Variants in DDI2 observed in about 807,000 individuals in gnomAD.
DDI2 encodes protein DDI1 homolog 2.
A neutral mutation model predicts 48.1 loss-of-function variants in DDI2; 5 were observed. The ratio of observed to expected loss-of-function variants is 0.10; its 90% CI spans 0.05 to 0.22. The LOEUF (loss-of-function observed/expected upper bound fraction) is 0.22. Ranked by LOEUF, DDI2 falls within the 10% of genes least tolerant of loss-of-function variation. The pLI is 1.00. For synonymous variants in DDI2, 205 were observed against 183.6 expected, an observed-to-expected ratio of 1.12 and a Z score of -0.94; for missense variants, 285 against 506.2, an observed-to-expected ratio of 0.56 and a Z score of 4.19.
chr1:15,661,574 C>T lies in DDI2; in HGVS notation c.*1784C>T. On this transcript the variant is annotated 3_prime_UTR_variant, in exon 10 of 10. Transcript: ENST00000480945. Reference sequence around the variant, plus strand: ...TCATCAAGTCCTGCCATTCTTCCACCATTGATTTTTCCTGCCACAGATATT... The same window carrying T: ...TCATCAAGTCCTGCCATTCTTCCACTATTGATTTTTCCTGCCACAGATATT... 2 of 1,614,198 alleles carry T rather than the reference C, an allele frequency of 1.2e-6. No homozygotes were observed. Among genetic ancestry groups the T allele is most frequent in the Non-Finnish European group, 1.7e-6 (2 of 1,180,024 alleles).
intron 3 of DDI2, among the ~76,000 whole-genome samples, chr1:15,633,154 C>T (rs1379393571): frequency 6.6e-6 from 1 of 151,992 alleles, no homozygotes; most frequent in South Asian, 2.1e-4. Context: ...GTCTCGAACT[C>T]CTAGGCTCAA....
In DDI2 at chr1:15,660,093, A is replaced by G. The variant is rs781147561; in HGVS notation, c.*303A>G. ...AAAAGAAAGAACATCTTTCTTTACA[A>G]GATCTTTCTGATCATGCTTCCTCAG... On this transcript the variant is annotated 3_prime_UTR_variant, in exon 10 of 10. Transcript: ENST00000480945. 2 of 1,614,096 alleles carry G rather than the reference A, an allele frequency of 1.2e-6. No homozygotes were observed. The highest frequency in any genetic ancestry group is 8.5e-7 in the Non-Finnish European group (1 of 1,180,006).
chr1:15,649,933 T>C, intron 7 of DDI2, 110 bp downstream of exon 7: 1 of 1,044,556 alleles, frequency 9.6e-7, no homozygotes, highest in Non-Finnish European at 1.3e-6. Context: ...TAACGACTTT[T>C]CAAACCTGGA....
At chr1:15,623,045 A>G (rs1639694893) in intron 1 of DDI2, among the ~76,000 whole-genome samples, 1 of 152,224 alleles carries the variant, frequency 6.6e-6, no homozygotes, top group Non-Finnish European at 1.5e-5. Context: ...TTGTTAGATC[A>G]TGCTGCCTTC....
chr1:15,651,985 T>A (rs1200107382), intron 8 of DDI2, 90 bp downstream of exon 8: 2 of 1,334,634 alleles, frequency 1.5e-6, no homozygotes, highest in African/African-American at 3.0e-5. Flanking sequence ...ACCTTTCCAG[T>A]TTTTAATTAG....
chr1:15,661,387 A>C lies in DDI2; in HGVS notation c.*1597A>C. On this transcript the variant is annotated 3_prime_UTR_variant, in exon 10 of 10. Coordinates refer to ENST00000480945, the MANE Select transcript of DDI2 (RefSeq NM_032341.5). ...AGGTGAGGAGGATGCACTCAATCAG[A>C]CTTCTGAGCAAACTAAGTCTTTGTC... is the stretch of plus-strand genomic sequence containing the variant. The C allele has an allele frequency of 4.3e-6, 7 of 1,614,212 alleles. No individual in the cohort carries two copies. The highest frequency in any genetic ancestry group is 5.9e-6 in the Non-Finnish European group (7 of 1,180,044).
At chr1:15,649,658 C>T (rs1640148381) in intron 6 of DDI2, 62 bp from the exon 7 acceptor site, 5 of 1,533,078 alleles carry the variant, frequency 3.3e-6, no homozygotes, top group Admixed American at 3.8e-5. Context: ...GCAACAAGAG[C>T]GAAACTCCGT....
rs777034689 is a variant in DDI2 at position 15,661,233 on chromosome 1, C to A, written c.*1443C>A. 1.2e-6 allele frequency: 2 copies of A among 1,614,100 alleles called. No individual in the cohort carries two copies. Among genetic ancestry groups the A allele is most frequent in the South Asian group, 1.1e-5 (1 of 91,066 alleles). On this transcript the variant is annotated 3_prime_UTR_variant, in exon 10 of 10. Coordinates refer to ENST00000480945, the MANE Select transcript of DDI2 (RefSeq NM_032341.5). The stretch of plus-strand genomic sequence containing the variant: ...GGAGTCTAGGTGATGGCCTGTCAAC[C>A]GATAAGGAAGGTGTCCCCAAATCTA...
At position 15,626,380 on chromosome 1, in the gene DDI2, A is replaced by T. The variant is rs373633238; in HGVS notation, c.139-289A>T. 6.6e-5 allele frequency among the ~76,000 whole-genome samples: 10 copies of T among 152,354 alleles called. No homozygotes were observed. In the East Asian group the frequency reaches 1.9e-3, roughly 29 times the overall value. ...GGAAAAAAATGAGTGGAAAAAGAAC[A>T]TTCCTCAGGTAGAGAAAACAAGAGA... On this transcript the variant is annotated intron_variant, in intron 1 of 9. Coordinates refer to ENST00000480945, the MANE Select transcript of DDI2 (RefSeq NM_032341.5).
At chr1:15,621,627 C>T (rs1489457006) in intron 1 of DDI2, among the ~76,000 whole-genome samples, 1 of 152,210 alleles carries the variant, frequency 6.6e-6, no homozygotes, top group African/African-American at 2.4e-5. Context: ...CTCGGATGAT[C>T]TGCCTGCCTT....
intron 2 of DDI2, among the ~76,000 whole-genome samples, chr1:15,628,529 G>A (rs1426670191): frequency 6.6e-6 from 1 of 152,162 alleles, no homozygotes; most frequent in Admixed American, 6.5e-5. Flanking sequence ...CTGTGGAATT[G>A]CTTAGTGTAC....
In DDI2 at chr1:15,660,157, A is replaced by G; in HGVS notation, c.*367A>G. 3 of 1,614,246 alleles carry G rather than the reference A, an allele frequency of 1.9e-6. No individual in the cohort carries two copies. The highest frequency in any genetic ancestry group is 2.5e-6 in the Non-Finnish European group (3 of 1,180,048). On this transcript the variant is annotated 3_prime_UTR_variant, in exon 10 of 10. Coordinates refer to ENST00000480945, the MANE Select transcript of DDI2 (RefSeq NM_032341.5). ...AACAGACCAGAGTCCAGCTATGCCT[A>G]TGCAGAATTCATCCGAAGAAATAAC...
In DDI2 at chr1:15,651,806, C is replaced by A; in HGVS notation, c.1094C>A (p.Ala365Glu). 2.5e-6 allele frequency: 4 copies of A among 1,614,012 alleles called. No individual in the cohort carries two copies. The highest frequency in any genetic ancestry group is 3.4e-6 in the Non-Finnish European group (4 of 1,179,958). Reference sequence around the variant, plus strand: ...GAGCTACCAGAGTGTGCCCGGTTGGCATATGGGGCTGGAAGAGAGGATGTA... The same window carrying A: ...GAGCTACCAGAGTGTGCCCGGTTGGAATATGGGGCTGGAAGAGAGGATGTA... ...EGELPECARL[A>E]YGAGREDVRP... The change falls in exon 8 of 10, where the codon GCA (alanine) becomes GAA (glutamate). Residue 365 changes from alanine (A) to glutamate (E), a missense_variant. By Grantham distance (107) the Ala-to-Glu change is moderately radical. Around this residue, in one of 3 missense-constraint regions of DDI2, gnomAD observed 66 missense variants for 87.3 expected, o/e 0.76. Coordinates refer to ENST00000480945, the MANE Select transcript of DDI2 (RefSeq NM_032341.5).
rs1640324521 is a variant in DDI2, at chr1:15,659,419, C to T, written c.*47-418C>T. 1.3e-5 allele frequency among the ~76,000 whole-genome samples: 2 copies of T among 152,136 alleles called. 1 individual carries two copies. The highest frequency in any genetic ancestry group is 4.8e-5 in the African/African-American group (2 of 41,416). ...CCTGGATTTACTCTCAAGTATGGTA[C>T]CCCAGGGTCTGCATACTTCACAAGC... On this transcript the variant is annotated intron_variant, in intron 9 of 9. Transcript: ENST00000480945.
chr1:15,621,257 C>T (rs550855849), intron 1 of DDI2, among the ~76,000 whole-genome samples: 1 of 152,168 alleles, frequency 6.6e-6, no homozygotes, highest in African/African-American at 2.4e-5. Flanking sequence ...GATAATTTAC[C>T]TCTGTAGGTG....
intron 7 of DDI2, among the ~76,000 whole-genome samples, 162 bp from the exon 8 acceptor site, chr1:15,651,544 C>A (rs1640183954): frequency 6.6e-6 from 1 of 152,152 alleles, no homozygotes; most frequent in Admixed American, 6.5e-5. Flanking sequence ...GTCTGGAACT[C>A]CTGACCTCAG....
chr1:15,661,861 T>G lies in DDI2; in HGVS notation c.*2071T>G. ...AAGCAGAATGTTGAGCCAGATTTTTTTTAAAGATTTTTTTCGGCCAAAGTA... is the reference window on the plus strand; with the variant it reads ...AAGCAGAATGTTGAGCCAGATTTTTGTTAAAGATTTTTTTCGGCCAAAGTA... On this transcript the variant is annotated 3_prime_UTR_variant, in exon 10 of 10. Transcript: ENST00000480945. 8.2e-7 allele frequency: 1 copy of G among 1,225,626 alleles called. No homozygotes were observed. Among genetic ancestry groups the G allele is most frequent in the Middle Eastern group, 3.0e-4 (1 of 3,326 alleles). The allele number at this position is 1,225,626 out of a possible 1,614,324, so 75.9% of individuals were successfully genotyped here.
chr1:15,653,787 A>G (rs1640229713), intron 8 of DDI2, among the ~76,000 whole-genome samples: 1 of 152,172 alleles, frequency 6.6e-6, no homozygotes, highest in South Asian at 2.1e-4. Flanking sequence ...ACGAGACACC[A>G]TGCCTGACCA....
At chr1:15,654,019 T>A (rs1170495740) in intron 8 of DDI2, among the ~76,000 whole-genome samples, 1 of 152,216 alleles carries the variant, frequency 6.6e-6, no homozygotes, top group Non-Finnish European at 1.5e-5. Flanking sequence ...ACGGTGACTC[T>A]GGGATGTATT....
Sources: allele counts gnomAD v4.1 joint callset (sites outside exome capture counted in the v4.1 genomes callset), GRCh38; gene constraint gnomAD v4.1.1; regional missense constraint gnomAD v4.1.1; transcripts MANE v1.5; gene names NCBI Gene and HGNC (gene_info 2026-07-23, HGNC 2026-07-21).